The following MACROD1 variants were observed in gnomAD, a reference collection of about 807,000 sequenced individuals.
The protein encoded by MACROD1 is ADP-ribose glycohydrolase MACROD1.
MACROD1 carries 31 observed loss-of-function variants against 41.4 expected under a neutral mutation model. That is an observed-to-expected ratio of 0.75 (90% CI 0.56 to 1.01). The LOEUF is 1.01. Among genes scored for constraint, MACROD1 ranks in the 50% least tolerant of loss-of-function variants. The pLI is 0.00. For missense variants in MACROD1, 473 were observed against 460.0 expected (o/e 1.03, Z -0.26); for synonymous variants, 252 against 203.4 (o/e 1.24, Z -2.03).
chr11:64,059,198 G>T (rs1943849670), intron 3 of MACROD1, among the ~76,000 whole-genome samples: 1 of 152,162 alleles, frequency 6.6e-6, no homozygotes, highest in African/African-American at 2.4e-5. Flanking sequence ...GGGGCAGCCT[G>T]TCTAAAGGGG....
intron 4 of MACROD1, among the ~76,000 whole-genome samples, chr11:64,002,636 G>T (rs918628838): frequency 6.6e-6 from 1 of 152,086 alleles, no homozygotes; most frequent in African/African-American, 2.4e-5. Context: ...CAGCCTTCTC[G>T]CTCTCTCCCC....
intron 3 of MACROD1, 51 bp downstream of exon 3, chr11:64,151,188 G>A: frequency 1.3e-6 from 2 of 1,499,930 alleles, no homozygotes; most frequent in South Asian, 1.1e-5. Flanking sequence ...GCAGAGCAGA[G>A]CAAAGGCAAC....
chr11:64,035,267 T>G (rs1943351010), intron 3 of MACROD1, among the ~76,000 whole-genome samples: 1 of 151,134 alleles, frequency 6.6e-6, no homozygotes, highest in Admixed American at 6.6e-5. Context: ...CGCCCGGGTG[T>G]TTACAGCACG....
intron 3 of MACROD1, among the ~76,000 whole-genome samples, chr11:64,033,039 C>G (rs547452516): frequency 5.3e-5 from 8 of 152,156 alleles, no homozygotes; most frequent in Non-Finnish European, 8.8e-5. Context: ...TCTGCAAGAA[C>G]ATCCCTCCTG....
At chr11:64,061,506 T>TC (rs1943903225) in intron 3 of MACROD1, among the ~76,000 whole-genome samples, 1 of 152,132 alleles carries the variant, frequency 6.6e-6, no homozygotes, top group South Asian at 2.1e-4. Context: ...AGGCAGCTCC[T>TC]CCCCGGCTCT....
chr11:64,002,209 C>T (rs1029788291), intron 4 of MACROD1, among the ~76,000 whole-genome samples: 4 of 152,178 alleles, frequency 2.6e-5, no homozygotes, highest in Non-Finnish European at 5.9e-5. Flanking sequence ...AGGAGCCTCC[C>T]GGGTCGAGCA....
At chr11:64,164,290 C>T (rs552684148) in intron 1 of MACROD1, among the ~76,000 whole-genome samples, 20 of 152,356 alleles carry the variant, frequency 1.3e-4, no homozygotes, top group African/African-American at 4.8e-4. Context: ...AGCCCAGGAA[C>T]CCCAGCCCCA....
In MACROD1 at chr11:64,064,857, C is replaced by CATTA. The variant is rs1943968055; in HGVS notation, c.518-49577_518-49576insTAAT. On this transcript the variant is annotated intron_variant, in intron 3 of 10. Coordinates refer to ENST00000255681, the MANE Select transcript of MACROD1 (RefSeq NM_014067.4). This position sits in a 1 kb window ranked among gnomAD's most constrained non-coding sequence, Gnocchi z 4.5. The stretch of plus-strand genomic sequence containing the variant: ...TTCACAAGGACCTCATTCATTCATT[C>CATTA]ATTCATTCATTCATTCATTTGATGA... 6.6e-6 allele frequency among the ~76,000 whole-genome samples: 1 copy of CATTA among 151,768 alleles called. No individual in the cohort carries two copies. Among genetic ancestry groups the CATTA allele is most frequent in the Non-Finnish European group, 1.5e-5 (1 of 67,986 alleles).
intron 3 of MACROD1, among the ~76,000 whole-genome samples, chr11:64,070,532 G>T (rs1944088107): frequency 6.6e-6 from 1 of 152,204 alleles, no homozygotes; most frequent in Non-Finnish European, 1.5e-5. Context: ...CTGCCCGAGA[G>T]CAGAGCTCGA....
At chr11:64,091,802 G>T (rs1207074154) in intron 3 of MACROD1, among the ~76,000 whole-genome samples, 2 of 152,106 alleles carry the variant, frequency 1.3e-5, no homozygotes, top group African/African-American at 4.8e-5. Flanking sequence ...CTGACAGTGG[G>T]CCACTACCCC....
intron 3 of MACROD1, among the ~76,000 whole-genome samples, chr11:64,150,251 A>T (rs1945555066): frequency 6.6e-6 from 1 of 152,242 alleles, no homozygotes; most frequent in African/African-American, 2.4e-5. Context: ...TGCTCACAGC[A>T]TCAGCACCAC....
At chr11:64,083,937 G>A (rs1361400501) in intron 3 of MACROD1, among the ~76,000 whole-genome samples, 1 of 152,206 alleles carries the variant, frequency 6.6e-6, no homozygotes, top group Non-Finnish European at 1.5e-5. Flanking sequence ...GCACATATGC[G>A]GCAGCCCGGC....
intron 3 of MACROD1, among the ~76,000 whole-genome samples, chr11:64,046,383 GC>G (rs1437520518): frequency 6.6e-6 from 1 of 152,202 alleles, no homozygotes; most frequent in African/African-American, 2.4e-5. Flanking sequence ...AGCCAGGCTG[GC>G]CCTGGGTTCC....
At chr11:64,063,208 G>C (rs1943937142) in intron 3 of MACROD1, among the ~76,000 whole-genome samples, 1 of 152,144 alleles carries the variant, frequency 6.6e-6, no homozygotes, top group Admixed American at 6.5e-5. Context: ...GGTACACAGA[G>C]AGGTCGCTTA....
chr11:64,030,219 G>A (rs1269900226), intron 3 of MACROD1, among the ~76,000 whole-genome samples: 1 of 148,962 alleles, frequency 6.7e-6, no homozygotes, highest in African/African-American at 2.4e-5. Flanking sequence ...CCCAGTAGCT[G>A]GATGTGCATC....
rs150320367 is a variant in MACROD1 at position 63,998,990 on chromosome 11, A to C, written c.938T>G (p.Ile313Ser). ...GTAGTGGGGGAGCCGGCTCCGGTAG[A>C]TGTCCTCGTCCTTCTCGAGGAACAC... is the stretch of plus-strand genomic sequence containing the variant. Reference protein sequence around the residue: ...ICVFLEKDEDIYRSRLPHYFP... With the variant: ...ICVFLEKDEDSYRSRLPHYFP... Residue 313 changes from isoleucine (I) to serine (S), a missense_variant, in exon 9 of 11, where the codon ATC (isoleucine) becomes AGC (serine). Ile to Ser is a moderately radical substitution (Grantham distance 142). Coordinates refer to ENST00000255681, the MANE Select transcript of MACROD1 (RefSeq NM_014067.4). The C allele has an allele frequency of 1.1e-4, 175 of 1,608,696 alleles. No individual in the cohort carries two copies. The highest frequency in any genetic ancestry group is 1.4e-4 in the Non-Finnish European group (170 of 1,178,290).
chr11:64,064,383 G>C lies in MACROD1; in HGVS notation c.518-49102C>G, dbSNP rs1342224254. Among the ~76,000 whole-genome samples, 1 of 152,188 alleles carries C rather than the reference G, an allele frequency of 6.6e-6. No homozygotes were observed. On this transcript the variant is annotated intron_variant, in intron 3 of 10. Transcript: ENST00000255681. The surrounding 1 kb of genome is among the most constrained non-coding windows in gnomAD (Gnocchi z 4.5). ...CCTATGGGGCCACAGGCATTGGATG[G>C]AGGATGGAGGAGGCTCAGGGCCAGT...
At chr11:64,137,038 C>T (rs1054831463) in intron 3 of MACROD1, among the ~76,000 whole-genome samples, 5 of 152,220 alleles carry the variant, frequency 3.3e-5, no homozygotes, top group East Asian at 3.8e-4. Flanking sequence ...ATCTCCAGGC[C>T]GCTTTTCTCA....
At chr11:64,079,223 C>T (rs1944260590) in intron 3 of MACROD1, among the ~76,000 whole-genome samples, 1 of 151,720 alleles carries the variant, frequency 6.6e-6, no homozygotes, top group South Asian at 2.1e-4. Context: ...AGCCCCACGG[C>T]CCCTTCCTGC....
Sources: allele counts gnomAD v4.1 joint callset (sites outside exome capture counted in the v4.1 genomes callset), GRCh38; gene constraint gnomAD v4.1.1; non-coding constraint Gnocchi (gnomAD v3.1); transcripts MANE v1.5; gene names NCBI Gene and HGNC (gene_info 2026-07-23, HGNC 2026-07-21).